The following PDE10A variants were observed in gnomAD, a reference collection of about 807,000 sequenced individuals.
PDE10A encodes the protein phosphodiesterase 10A.
PDE10A carries 39 observed loss-of-function variants against 97.7 expected under a neutral mutation model. The observed-to-expected ratio is 0.40, with a 90% confidence interval of 0.31 to 0.52. The LOEUF is 0.52. Ranked by LOEUF, PDE10A falls within the 20% of genes least tolerant of loss-of-function variation. The pLI, the probability that PDE10A is intolerant of heterozygous loss-of-function variation, is 0.56. For synonymous variants in PDE10A, 371 were observed against 376.8 expected, an observed-to-expected ratio of 0.98 and a Z score of 0.18; for missense variants, 731 against 1,047.8, an observed-to-expected ratio of 0.70 and a Z score of 4.17.
chr6:165,499,852 T>C (rs913396286), intron 2 of PDE10A, among the ~76,000 whole-genome samples: 5 of 152,148 alleles, frequency 3.3e-5, no homozygotes, highest in Non-Finnish European at 5.9e-5. Flanking sequence ...TGCAAGACAG[T>C]GATCCCAGTG....
chr6:165,860,482 C>T (rs1780872677), intron 1 of PDE10A, among the ~76,000 whole-genome samples: 1 of 151,874 alleles, frequency 6.6e-6, no homozygotes, highest in African/African-American at 2.4e-5. Context: ...AACAAACAAA[C>T]AAAAAAACAC....
At chr6:165,493,735 T>A (rs555448305) in intron 2 of PDE10A, among the ~76,000 whole-genome samples, 2 of 151,920 alleles carry the variant, frequency 1.3e-5, no homozygotes, top group Non-Finnish European at 2.9e-5. Context: ...AAGATAACAT[T>A]GGAAAAACCC....
chr6:165,709,135 CA>C (rs1791814442), intron 1 of PDE10A, among the ~76,000 whole-genome samples: 1 of 132,428 alleles, frequency 7.6e-6, no homozygotes, highest in Non-Finnish European at 1.6e-5. Flanking sequence ...TCCATGCTCC[CA>C]CGCTCTGTCC....
intron 18 of PDE10A, among the ~76,000 whole-genome samples, chr6:165,354,076 A>T (rs527374897): frequency 3.4e-4 from 52 of 152,328 alleles, no homozygotes; most frequent in Non-Finnish European, 6.8e-4. Flanking sequence ...TATAGTTTCA[A>T]ATAAGATGGA....
intron 1 of PDE10A, chr6:165,946,986 A>T (rs1471641458): frequency 6.6e-6 from 1 of 152,172 alleles, no homozygotes; most frequent in Non-Finnish European, 1.5e-5. Flanking sequence ...GTCCACGTTC[A>T]AATTTACTCG....
rs114269568 is a variant in PDE10A, at chr6:165,616,660, T to C, written c.865+45287A>G. ...TATATATCCGCTGAGTTTCAAAGAC[T>C]AGCTTCTTCTAGCACAAATGAATTA... On this transcript the variant is annotated intron_variant, in intron 1 of 21. Transcript: ENST00000539869. Among the ~76,000 whole-genome samples the C allele has an allele frequency of 3.4e-3, 516 of 152,342 alleles. 4 individuals are homozygous for C. Among genetic ancestry groups the C allele is most frequent in the African/African-American group, 0.012 (489 of 41,580 alleles).
At chr6:165,713,583 G>T (rs1381923237) in intron 1 of PDE10A, among the ~76,000 whole-genome samples, 1 of 152,166 alleles carries the variant, frequency 6.6e-6, no homozygotes, top group Non-Finnish European at 1.5e-5. Flanking sequence ...AGGGAGGGTG[G>T]CTGACAGATA....
rs954257806 is a variant in PDE10A at position 165,528,188 on chromosome 6, G to T, written c.994+15252C>A. Among the ~76,000 whole-genome samples the T allele has an allele frequency of 5.9e-5, 9 of 152,236 alleles. 1 individual carries two copies. Among genetic ancestry groups the T allele is most frequent in the African/African-American group, 2.2e-4 (9 of 41,464 alleles). ...AATTTGGGGAAGAGGTATGTGGATGGATCTCTCTGAGTGGTCAAAAACTGT... is the reference window on the plus strand; with the variant it reads ...AATTTGGGGAAGAGGTATGTGGATGTATCTCTCTGAGTGGTCAAAAACTGT... On this transcript the variant is annotated intron_variant, in intron 2 of 21. Coordinates refer to ENST00000539869, the MANE Select transcript of PDE10A (RefSeq NM_001385079.1).
intron 1 of PDE10A, among the ~76,000 whole-genome samples, chr6:165,683,678 C>T (rs1250396703): frequency 6.6e-6 from 1 of 152,166 alleles, no homozygotes; most frequent in African/African-American, 2.4e-5. Flanking sequence ...CAATACAAGC[C>T]ACAGTCTCCT....
chr6:165,606,984 T>C (rs1190628436), intron 1 of PDE10A, among the ~76,000 whole-genome samples: 1 of 152,192 alleles, frequency 6.6e-6, no homozygotes, highest in Non-Finnish European at 1.5e-5. Context: ...AATATATACA[T>C]TTATCCTCAT....
At chr6:165,686,172 C>G (rs796860921) in intron 1 of PDE10A, among the ~76,000 whole-genome samples, 8 of 144,212 alleles carry the variant, frequency 5.5e-5, no homozygotes, top group African/African-American at 2.0e-4. Flanking sequence ...CACACACACA[C>G]AGGCTGTGTC....
At chr6:165,689,499 G>A (rs145022813) in intron 1 of PDE10A, among the ~76,000 whole-genome samples, 1 of 152,318 alleles carries the variant, frequency 6.6e-6, no homozygotes, top group East Asian at 1.9e-4. Context: ...CATGGGGACA[G>A]ATCCCGCATG....
At chr6:165,340,629 C>T (rs1229949278) in intron 19 of PDE10A, among the ~76,000 whole-genome samples, 3 of 152,166 alleles carry the variant, frequency 2.0e-5, no homozygotes, top group Non-Finnish European at 2.9e-5. Context: ...AATATGTACT[C>T]GAAACAAAAA....
chr6:165,945,198 T>C (rs549961348), intron 1 of PDE10A, among the ~76,000 whole-genome samples: 3 of 152,294 alleles, frequency 2.0e-5, no homozygotes, highest in Non-Finnish European at 4.4e-5. Context: ...CCACATTGAA[T>C]GGGCCTCCTG....
chr6:165,738,492 T>C (rs35584753), intron 1 of PDE10A, among the ~76,000 whole-genome samples: 8,984 of 151,708 alleles, frequency 0.059, 486 homozygotes, highest in Admixed American at 0.17. Flanking sequence ...TGTGTCTTTA[T>C]AGCAGCATGA....
rs186738241 is a variant in PDE10A at position 165,750,550 on chromosome 6, G to A, written c.-614-206982C>T. Among the ~76,000 whole-genome samples the A allele has an allele frequency of 5.3e-5, 8 of 152,226 alleles. No individual in the cohort carries two copies. The East Asian group carries it at 1.4e-3, about 26-fold the overall frequency. On this transcript the variant is annotated intron_variant, in intron 1 of 19. Coordinates refer to the PDE10A transcript ENST00000366882. ...CAAGGGCGAATTTATTTCCCCACCC[G>A]GAGAGTAAGGTGATTTCAATCGCCT...
chr6:165,861,187 T>A (rs1450306572), intron 1 of PDE10A, among the ~76,000 whole-genome samples: 1 of 152,196 alleles, frequency 6.6e-6, no homozygotes, highest in Non-Finnish European at 1.5e-5. Flanking sequence ...CCTAATCAGC[T>A]CTGACTCCTG....
At chr6:165,874,186 C>G (rs1781274848) in intron 1 of PDE10A, among the ~76,000 whole-genome samples, 1 of 152,202 alleles carries the variant, frequency 6.6e-6, no homozygotes, top group Admixed American at 6.5e-5. Context: ...ACGTGCAGAT[C>G]TCAAGTTTCC....
rs565124517 is a variant in PDE10A, at chr6:165,952,292, C to T, written c.-615+35237G>A. ...CTTCACTCCCCAACTTTAATAGAGC[C>T]CACATGTCTCACGGAGCATAACTAT... is the stretch of plus-strand genomic sequence containing the variant. On this transcript the variant is annotated intron_variant, in intron 1 of 19. Transcript: ENST00000366882. Among the ~76,000 whole-genome samples the T allele has an allele frequency of 2.0e-5, 3 of 152,342 alleles. No individual in the cohort carries two copies. The South Asian group carries it at 6.2e-4, about 32-fold the overall frequency.
Sources: allele counts gnomAD v4.1 joint callset (sites outside exome capture counted in the v4.1 genomes callset), GRCh38; gene constraint gnomAD v4.1.1; transcripts MANE v1.5; gene names NCBI Gene and HGNC (gene_info 2026-07-23, HGNC 2026-07-21).